The following NEK7 variants were observed in gnomAD, a reference collection of about 807,000 sequenced individuals.
NEK7 encodes the protein serine/threonine-protein kinase Nek7.
A neutral mutation model predicts 44.6 loss-of-function variants in NEK7; 18 were observed. That is an observed-to-expected ratio of 0.40 (90% CI 0.28 to 0.60). The LOEUF (loss-of-function observed/expected upper bound fraction) is 0.60, where lower values mean the gene tolerates loss of function less well. Ranked by LOEUF, NEK7 falls within the 20% of genes least tolerant of loss-of-function variation. The probability of loss-of-function intolerance (pLI) is 0.38; values close to 1 mark genes in which losing one functional copy is unlikely to be tolerated. For synonymous variants in NEK7, 130 were observed against 121.1 expected, an observed-to-expected ratio of 1.07 and a Z score of -0.48; for missense variants, 256 against 366.5, an observed-to-expected ratio of 0.70 and a Z score of 2.46.
chr1:198,233,055 G>T (rs1666445203), intron 2 of NEK7, among the ~76,000 whole-genome samples: 1 of 151,008 alleles, frequency 6.6e-6, no homozygotes, highest in Admixed American at 6.6e-5. Context: ...TGACCTGTAA[G>T]CTCTGAGCGT....
intron 9 of NEK7, among the ~76,000 whole-genome samples, chr1:198,311,080 T>C (rs1047429230): frequency 3.7e-4 from 56 of 149,764 alleles, no homozygotes; most frequent in Non-Finnish European, 6.8e-4. Context: ...GCATGGAATG[T>C]TCTTCCATTT....
At chr1:198,274,232 T>C (rs541283690) in intron 5 of NEK7, among the ~76,000 whole-genome samples, 33 of 148,020 alleles carry the variant, frequency 2.2e-4, no homozygotes, top group African/African-American at 7.9e-4. Context: ...AAAAACACCT[T>C]GCACACCAGG....
intron 1 of NEK7, among the ~76,000 whole-genome samples, chr1:198,223,445 A>G (rs1006066951): frequency 4.6e-5 from 7 of 152,216 alleles, no homozygotes; most frequent in Admixed American, 6.5e-5. Flanking sequence ...TCAAATGTCA[A>G]CTTTTGAGTA....
chr1:198,169,641 A>G (rs1277935838), intron 1 of NEK7, among the ~76,000 whole-genome samples: 1 of 137,510 alleles, frequency 7.3e-6, no homozygotes, highest in Non-Finnish European at 1.6e-5. Context: ...TCTCCACTCT[A>G]TGCTTTTCTC....
chr1:198,206,924 A>T (rs116095194), intron 1 of NEK7: 39 of 152,290 alleles, frequency 2.6e-4, no homozygotes, highest in African/African-American at 9.4e-4. Flanking sequence ...TGATGAAAAT[A>T]TGGCATTTAT....
At chr1:198,229,662 A>G (rs147116045) in intron 1 of NEK7, among the ~76,000 whole-genome samples, 3 of 152,324 alleles carry the variant, frequency 2.0e-5, no homozygotes, top group African/African-American at 7.2e-5. Flanking sequence ...TGGTCACAGA[A>G]GTCTTATTGT....
chr1:198,165,734 G>A (rs781125949), intron 1 of NEK7, among the ~76,000 whole-genome samples: 6 of 152,136 alleles, frequency 3.9e-5, no homozygotes, highest in East Asian at 3.9e-4. Context: ...CACCAGCTGC[G>A]TCAGCCCTTA....
chr1:198,170,422 T>C (rs1244597469), intron 1 of NEK7, among the ~76,000 whole-genome samples: 3 of 152,214 alleles, frequency 2.0e-5, no homozygotes, highest in Non-Finnish European at 4.4e-5. Context: ...GGCAGTTAGA[T>C]TAAATTGACT....
At chr1:198,306,166 G>C (rs1373242716) in intron 9 of NEK7, among the ~76,000 whole-genome samples, 1 of 152,118 alleles carries the variant, frequency 6.6e-6, no homozygotes, top group Non-Finnish European at 1.5e-5. Context: ...AAAATGCATA[G>C]AGTCGTTCAT....
chr1:198,241,270 C>G (rs1408934574), intron 2 of NEK7, among the ~76,000 whole-genome samples: 1 of 152,138 alleles, frequency 6.6e-6, no homozygotes, highest in Non-Finnish European at 1.5e-5. Context: ...TTTCACATAG[C>G]TTTCTCACTA....
At chr1:198,162,891 A>G (rs1290464311) in intron 1 of NEK7, among the ~76,000 whole-genome samples, 1 of 152,160 alleles carries the variant, frequency 6.6e-6, no homozygotes, top group Non-Finnish European at 1.5e-5. Context: ...ATTATGGACT[A>G]CAAATAATGT....
intron 5 of NEK7, among the ~76,000 whole-genome samples, chr1:198,270,925 G>T (rs1389003897): frequency 2.0e-5 from 3 of 152,034 alleles, no homozygotes; most frequent in Admixed American, 2.0e-4. Flanking sequence ...GCTCACTGAG[G>T]TTCAGGGTCT....
chr1:198,208,350 A>G (rs1053310240), intron 1 of NEK7, among the ~76,000 whole-genome samples: 4 of 152,114 alleles, frequency 2.6e-5, no homozygotes, highest in Non-Finnish European at 4.4e-5. Context: ...CTTTAATTTT[A>G]GGGTTTGAAT....
At chr1:198,271,183 C>A (rs1456490175) in intron 5 of NEK7, among the ~76,000 whole-genome samples, 1 of 152,030 alleles carries the variant, frequency 6.6e-6, no homozygotes, top group Non-Finnish European at 1.5e-5. Flanking sequence ...ACTACCCATG[C>A]TAATGTCCTT....
In NEK7 at chr1:198,157,269, A is replaced by G. The variant is rs1012809836; in HGVS notation, c.-36A>G. The G allele has an allele frequency of 8.6e-5, 13 of 151,808 alleles. No individual in the cohort carries two copies. The highest frequency in any genetic ancestry group is 2.1e-4 in the South Asian group (1 of 4,812). The allele number at this position is 151,808 out of a possible 1,614,324, so 9.4% of individuals were successfully genotyped here. On this transcript the variant is annotated 5_prime_UTR_variant, in exon 1 of 10. Transcript: ENST00000367385. ...CGGGCGGGAGAACGGAAAACTCCCA[A>G]CTTCCTGGTGAGTCGCTGCCCAGGG...
intron 2 of NEK7, among the ~76,000 whole-genome samples, chr1:198,243,871 G>A (rs571775887): frequency 2.0e-4 from 30 of 152,068 alleles, no homozygotes; most frequent in African/African-American, 7.0e-4. Flanking sequence ...GAATAATTAG[G>A]TCTTGGTGGC....
At position 198,253,080 on chromosome 1, in the gene NEK7, A is replaced by T; in HGVS notation, c.98A>T (p.Asn33Ile). 6.2e-7 allele frequency: 1 copy of T among 1,612,782 alleles called. No homozygotes were observed. The highest frequency in any genetic ancestry group is 8.5e-7 in the Non-Finnish European group (1 of 1,179,046). The change falls in exon 3 of 10, where the codon AAC becomes ATC. Residue 33 changes from asparagine (N) to isoleucine (I), a missense_variant. This residue lies in a region of NEK7 where 96 missense variants were observed against 94.9 expected (regional missense o/e 1.01). Transcript: ENST00000367385. ...RPDMGYNTLANFRIEKKIGRG... is the reference protein window; with the variant it reads ...RPDMGYNTLAIFRIEKKIGRG... ...GATATGGGCTATAATACATTAGCCA[A>T]CTTTCGAATAGAAAAGAAAATTGGT...
intron 7 of NEK7, among the ~76,000 whole-genome samples, chr1:198,281,836 A>G (rs960943202): frequency 6.6e-6 from 1 of 152,034 alleles, no homozygotes; most frequent in African/African-American, 2.4e-5. Context: ...TCCATAATAA[A>G]TCAACATACA....
rs1403801905 is a variant in NEK7 at position 198,278,984 on chromosome 1, C to A, written c.512C>A (p.Ala171Asp). The A allele has an allele frequency of 6.2e-7, 1 of 1,609,156 alleles. No individual in the cohort carries two copies. Among genetic ancestry groups the A allele is most frequent in the Non-Finnish European group, 8.5e-7 (1 of 1,176,424 alleles). The change falls in exon 7 of 10, where the codon GCC becomes GAC. Residue 171 changes from alanine to aspartate, a missense_variant. Coordinates refer to ENST00000367385, the MANE Select transcript of NEK7 (RefSeq NM_133494.3). ...AAACCAGCTAATGTGTTCATTACAG[C>A]CACTGGGGTGGTAAAACTTGGAGAT... is the stretch of plus-strand genomic sequence containing the variant. Reference protein sequence around the residue: ...DIKPANVFITATGVVKLGDLG... With the variant: ...DIKPANVFITDTGVVKLGDLG...
Sources: allele counts gnomAD v4.1 joint callset (sites outside exome capture counted in the v4.1 genomes callset), GRCh38; gene constraint gnomAD v4.1.1; regional missense constraint gnomAD v4.1.1; transcripts MANE v1.5; gene names NCBI Gene and HGNC (gene_info 2026-07-23, HGNC 2026-07-21).